SGK1: variants seen among roughly 807,000 people sequenced by gnomAD.
SGK1 encodes serum/glucocorticoid regulated kinase 1.
In SGK1, 26 loss-of-function variants were observed where a neutral mutation model predicts 64.2. The observed-to-expected ratio is 0.40, with a 90% confidence interval of 0.30 to 0.56. SGK1 has a LOEUF of 0.56. Ranked by LOEUF, SGK1 falls within the 20% of genes least tolerant of loss-of-function variation. The pLI is 0.38. For missense variants in SGK1, 519 were observed against 645.6 expected (o/e 0.80, Z 2.12); for synonymous variants, 265 against 239.7 (o/e 1.11, Z -0.98).
At chr6:134,174,770 G>C in intron 3 of SGK1, 184 bp from the exon 4 acceptor site, 1 of 1,614,200 alleles carries the variant, frequency 6.2e-7, no homozygotes, top group Non-Finnish European at 8.5e-7. Flanking sequence ...CCTGGAGTAA[G>C]TGAGGGTGCC....
intron 2 of SGK1, among the ~76,000 whole-genome samples, chr6:134,233,336 TAGTTCAAGA>T (rs1176960565): frequency 1.3e-5 from 2 of 152,232 alleles, no homozygotes; most frequent in African/African-American, 4.8e-5. Context: ...TCTCTCATAC[TAGTTCAAGA>T]GATGGTTCAT....
In SGK1 at chr6:134,171,551, C is replaced by A. The variant is rs1775026635; in HGVS notation, c.1167+86G>T. On this transcript the variant is annotated intron_variant, in intron 11 of 13. Transcript: ENST00000367858. ...CTTTTGATAAGCGTACTGGTAAGGGCAAGACACCATGGCCAAGCATGGGCT... is the reference window on the plus strand; with the variant it reads ...CTTTTGATAAGCGTACTGGTAAGGGAAAGACACCATGGCCAAGCATGGGCT... 1.8e-5 allele frequency: 17 copies of A among 931,492 alleles called. No individual in the cohort carries two copies. In the South Asian group the frequency reaches 2.4e-4, roughly 13 times the overall value. The allele number at this position is 931,492 out of a possible 1,614,324, so 57.7% of individuals were successfully genotyped here.
chr6:134,221,255 G>T (rs1188623210), intron 2 of SGK1, among the ~76,000 whole-genome samples: 4 of 152,176 alleles, frequency 2.6e-5, no homozygotes, highest in Non-Finnish European at 5.9e-5. Context: ...AGTGAGCCAA[G>T]ACTGTGCCAC....
chr6:134,249,047 T>C (rs942620947), intron 2 of SGK1, among the ~76,000 whole-genome samples: 1 of 152,208 alleles, frequency 6.6e-6, no homozygotes, highest in African/African-American at 2.4e-5. Flanking sequence ...CCTGAGTTAA[T>C]ATTATGCTTT....
At chr6:134,283,089 C>A (rs1478435351) in intron 1 of SGK1, 1 of 152,132 alleles carries the variant, frequency 6.6e-6, no homozygotes, top group Non-Finnish European at 1.5e-5. Context: ...AAGAAGGCAG[C>A]TGAGCCGGTC....
intron 2 of SGK1, among the ~76,000 whole-genome samples, chr6:134,212,522 C>T (rs1268703834): frequency 6.6e-6 from 1 of 152,036 alleles, no homozygotes; most frequent in Non-Finnish European, 1.5e-5. Flanking sequence ...TATTTTAAGT[C>T]TTTTTACTGA....
At chr6:134,189,204 A>AGG (rs1031339418) in intron 3 of SGK1, among the ~76,000 whole-genome samples, 6 of 95,444 alleles carry the variant, frequency 6.3e-5, no homozygotes, top group Non-Finnish European at 1.1e-4. Context: ...TCTTTTATAC[A>AGG]GGTGTGTGTG....
intron 3 of SGK1, among the ~76,000 whole-genome samples, chr6:134,192,020 G>A (rs1030035130): frequency 1.3e-5 from 2 of 151,618 alleles, no homozygotes; most frequent in Non-Finnish European, 2.9e-5. Context: ...TAGTAGAGAC[G>A]GGGTTTCACC....
intron 3 of SGK1, among the ~76,000 whole-genome samples, chr6:134,205,005 TTC>T (rs1273807560): frequency 2.6e-5 from 4 of 152,148 alleles, no homozygotes; most frequent in African/African-American, 9.6e-5. Flanking sequence ...GTTTCTCTCT[TTC>T]TCTCTTTCAG....
intron 1 of SGK1, among the ~76,000 whole-genome samples, chr6:134,305,246 C>G (rs531125388): frequency 6.6e-6 from 1 of 151,532 alleles, no homozygotes; most frequent in African/African-American, 2.4e-5. Context: ...GTAGGCCCAC[C>G]TACTCTGGAG....
At chr6:134,188,232 C>G (rs1193755238) in intron 3 of SGK1, among the ~76,000 whole-genome samples, 1 of 149,792 alleles carries the variant, frequency 6.7e-6, no homozygotes, top group African/African-American at 2.5e-5. Flanking sequence ...TTTTTTTTTG[C>G]TCATTCAGAG....
rs1035505981 is a variant in SGK1 at position 134,262,630 on chromosome 6, C to T, written c.70-482G>A. On this transcript the variant is annotated intron_variant, in intron 1 of 13. Transcript: ENST00000367858. Reference sequence around the variant, plus strand: ...GGGAGAATCGCTTGAACCTGGGAAGCGGAGGTTGCAGTGAGCTGAGATAGC... The same window carrying T: ...GGGAGAATCGCTTGAACCTGGGAAGTGGAGGTTGCAGTGAGCTGAGATAGC... Among the ~76,000 whole-genome samples, 4 of 151,850 alleles carry T rather than the reference C, an allele frequency of 2.6e-5. No individual in the cohort carries two copies. The South Asian group carries it at 6.2e-4, about 24-fold the overall frequency.
chr6:134,173,226 C>T, intron 7 of SGK1, 48 bp downstream of exon 7: 2 of 1,610,348 alleles, frequency 1.2e-6, no homozygotes, highest in South Asian at 2.2e-5. Flanking sequence ...CAAGATTATT[C>T]AAGGAGTGTC....
chr6:134,215,579 T>G (rs7738174), intron 2 of SGK1, among the ~76,000 whole-genome samples: 16,364 of 152,016 alleles, frequency 0.11, 1,050 homozygotes, highest in African/African-American at 0.18. Flanking sequence ...ATTTAAAGAA[T>G]ATTACTCCAG....
At chr6:134,297,998 C>T (rs1381541447) in intron 1 of SGK1, 38 of 832,306 alleles carry the variant, frequency 4.6e-5, no homozygotes, top group Non-Finnish European at 6.1e-5. Context: ...GCATCACAGA[C>T]GTATCCGAGA....
intron 2 of SGK1, among the ~76,000 whole-genome samples, chr6:134,218,960 TG>T (rs1270114580): frequency 6.6e-6 from 1 of 152,054 alleles, no homozygotes; most frequent in Non-Finnish European, 1.5e-5. Context: ...AGCTTTTCAA[TG>T]TACTAAAATG....
At chr6:134,216,149 A>T (rs1775978026) in intron 2 of SGK1, among the ~76,000 whole-genome samples, 2 of 152,360 alleles carry the variant, frequency 1.3e-5, no homozygotes, top group African/African-American at 4.8e-5. Context: ...TCTGATGAAG[A>T]TAGAGAACTA....
intron 13 of SGK1, 189 bp downstream of exon 13, chr6:134,170,637 G>T: frequency 1.5e-6 from 1 of 674,672 alleles, no homozygotes; most frequent in Admixed American, 2.9e-5. Flanking sequence ...GCTTCGAATT[G>T]ATAAATGTGT....
rs982217996 is a variant in SGK1, at chr6:134,271,175, C to T, written c.70-9027G>A. Among the ~76,000 whole-genome samples the T allele has an allele frequency of 8.3e-5, 11 of 133,054 alleles. 2 individuals are homozygous for T. The highest frequency in any genetic ancestry group is 1.6e-4 in the Non-Finnish European group (9 of 57,236). The allele number at this position is 133,054 out of a possible 152,430, so 87.3% of individuals were successfully genotyped here. On this transcript the variant is annotated intron_variant, in intron 1 of 13. Coordinates refer to ENST00000367858, the MANE Select transcript of SGK1 (RefSeq NM_001143676.3). ...CTCTACTAAAAATACAAAAATTAGT[C>T]GGGCGCGGGGGCACATGCCTGTAAT...
Sources: allele counts gnomAD v4.1 joint callset (sites outside exome capture counted in the v4.1 genomes callset), GRCh38; gene constraint gnomAD v4.1.1; transcripts MANE v1.5; gene names NCBI Gene and HGNC (gene_info 2026-07-23, HGNC 2026-07-21).